The following ENO3 variants were observed in gnomAD, a reference collection of about 807,000 sequenced individuals.
ENO3 encodes enolase 3.
Under a neutral mutation model 47.7 loss-of-function variants are expected in ENO3, and 46 were observed. The ratio of observed to expected loss-of-function variants is 0.96; its 90% confidence interval spans 0.76 to 1.23. The LOEUF (loss-of-function observed/expected upper bound fraction) is 1.23. Ranked by LOEUF, ENO3 falls within the 50% of genes most tolerant of loss-of-function variation. The pLI is 0.00. For synonymous variants in ENO3, 223 were observed against 225.9 expected (o/e 0.99, Z 0.11); for missense variants, 575 against 566.2 (o/e 1.02, Z -0.16).
At chr17:4,949,942 C>T (rs564201500), upstream of ENO3, among the ~76,000 whole-genome samples, 15 of 152,142 alleles carry the variant, frequency 9.9e-5, no homozygotes, top group South Asian at 3.1e-3. Flanking sequence ...CCCACCGCAC[C>T]CCTACCCCAG....
intron 2 of ENO3, 47 bp from the exon 3 acceptor site, chr17:4,952,748 C>T (rs1415101077): frequency 6.4e-7 from 1 of 1,557,854 alleles, no homozygotes; most frequent in Admixed American, 1.9e-5. Context: ...AGGCATGGGC[C>T]ACCGCGCCCA....
Position 4,952,895 on chromosome 17 carries a change from G to C in ENO3, c.181+5G>C. On this transcript the variant is annotated splice_donor_5th_base_variant and intron_variant, in intron 3 of 11. Transcript: ENST00000519602. ...AAGGCCGCTACCTGGGGAAAGGTGA[G>C]GAGACACCAGCGCAGAAGGAGCCTG... 1 of 1,612,078 alleles carries C rather than the reference G, an allele frequency of 6.2e-7. No homozygotes were observed. Among genetic ancestry groups the C allele is most frequent in the Non-Finnish European group, 8.5e-7 (1 of 1,178,930 alleles).
chr17:4,953,656 G>C lies in ENO3; in HGVS notation c.311-56G>C, dbSNP rs529802504. 4.5e-5 allele frequency: 72 copies of C among 1,614,112 alleles called. 1 individual carries two copies. The South Asian group carries it at 7.4e-4, about 16-fold the overall frequency. On this transcript the variant is annotated intron_variant, in intron 5 of 11. Coordinates refer to ENST00000519602, the MANE Select transcript of ENO3 (RefSeq NM_053013.4). ...GGAGCTCTGGCGTCTTCCTGGAGTA[G>C]CCACCCCAAACCCTGCAGAAGCTCT...
upstream of ENO3, chr17:4,949,078 C>G (rs527589018): frequency 9.9e-5 from 15 of 152,138 alleles, no homozygotes; most frequent in African/African-American, 2.9e-4. Flanking sequence ...CCCGTGTGGA[C>G]CCTGCGGGAA....
intron 6 of ENO3, among the ~76,000 whole-genome samples, chr17:4,954,652 C>T (rs897817338): frequency 2.0e-5 from 3 of 152,330 alleles, no homozygotes; most frequent in Admixed American, 1.3e-4. Context: ...CAGTGGCTCA[C>T]GCCTGTAATC....
rs372001257 is a variant in ENO3 at position 4,955,422 on chromosome 17, A to G, written c.683A>G (p.Lys228Arg). 1 of 1,614,036 alleles carries G rather than the reference A, an allele frequency of 6.2e-7. No individual in the cohort carries two copies. ...CCTCCCCCAGCCCTGGAGCTGCTGA[A>G]GACGGCCATCCAGGCGGCTGGTTAC... Reference protein sequence around the residue: ...LENNEALELLKTAIQAAGYPD... With the variant: ...LENNEALELLRTAIQAAGYPD... The change falls in exon 8 of 12, where the codon AAG becomes AGG. Residue 228 changes from lysine (K) to arginine (R), a missense_variant. Transcript: ENST00000519602.
intron 1 of ENO3, among the ~76,000 whole-genome samples, chr17:4,951,532 G>A (rs1971538388): frequency 6.6e-6 from 1 of 152,130 alleles, no homozygotes; most frequent in African/African-American, 2.4e-5. Flanking sequence ...TGACCAGAGG[G>A]GTGGAAGGAG....
intron 6 of ENO3, 40 bp downstream of exon 6, chr17:4,953,885 C>G: frequency 6.2e-7 from 1 of 1,613,756 alleles, no homozygotes; most frequent in South Asian, 1.1e-5. Context: ...CTCGCCTGGA[C>G]AGAGCCAACC....
chr17:4,951,938 G>A (rs745456265), intron 2 of ENO3, 24 bp downstream of exon 2: 3 of 1,613,262 alleles, frequency 1.9e-6, no homozygotes, highest in African/African-American at 1.3e-5. Context: ...CATTGGATAG[G>A]CTCGCCTCCG....
rs766583341 is a variant in ENO3 at position 4,955,465 on chromosome 17, C to T, written c.726C>T (p.Ile242=). 35 of 1,614,092 alleles carry T rather than the reference C, an allele frequency of 2.2e-5. No individual in the cohort carries two copies. The Admixed American group carries it at 2.7e-4, about 12-fold the overall frequency. The change falls in exon 8 of 12, where the codon ATC becomes ATT. Residue 242 remains isoleucine (I), a synonymous_variant. Transcript: ENST00000519602. ...QAAGYPDKVV[I]GMDVAASEFY... The stretch of plus-strand genomic sequence containing the variant: ...CTGGTTACCCAGACAAGGTGGTGAT[C>T]GGCATGGATGTGGCAGCATCTGAGT...
At chr17:4,955,886 GTC>G (rs1291940320) in intron 8 of ENO3, 54 bp from the exon 9 acceptor site, 34 of 1,442,034 alleles carry the variant, frequency 2.4e-5, no homozygotes, top group Non-Finnish European at 3.2e-5. Flanking sequence ...TCTCTGCCCT[GTC>G]TCTGCCCTGT....
chr17:4,950,694 C>T (rs748340016), upstream of ENO3: 1 of 982,736 alleles, frequency 1.0e-6, no homozygotes, highest in Non-Finnish European at 1.2e-6. Context: ...GACAGAGGCC[C>T]GCCCAGCGAT....
chr17:4,954,685 C>T lies in ENO3; in HGVS notation c.445-390C>T, dbSNP rs959676261. Among the ~76,000 whole-genome samples the T allele has an allele frequency of 9.9e-5, 15 of 152,064 alleles. 1 individual carries two copies. The highest frequency in any genetic ancestry group is 2.9e-4 in the African/African-American group (12 of 41,410). ...ATCCCAGCACTTCGGGAGGCCGAGG[C>T]GGGCAGATCACAAGGTCAGGAGTTC... is the stretch of plus-strand genomic sequence containing the variant. On this transcript the variant is annotated intron_variant, in intron 6 of 11. Transcript: ENST00000519602.
At chr17:4,954,844 C>T (rs1311510048) in intron 6 of ENO3, among the ~76,000 whole-genome samples, 1 of 143,246 alleles carries the variant, frequency 7.0e-6, no homozygotes, top group Non-Finnish European at 1.5e-5. Flanking sequence ...ACCCGGGAGG[C>T]GGAGGTTGCG....
In ENO3 at chr17:4,956,578, A is replaced by C. The variant is rs1228522273; in HGVS notation, c.1073A>C (p.Lys358Thr). ...GSVTESIQAC[K>T]LAQSNGWGVM... ...CAAATGTCCTCTCCACTCAGGTGCAAACTGGCTCAGTCTAATGGCTGGGGG... is the reference window on the plus strand; with the variant it reads ...CAAATGTCCTCTCCACTCAGGTGCACACTGGCTCAGTCTAATGGCTGGGGG... The change falls in exon 10 of 12, where the codon AAA (lysine) becomes ACA (threonine). Residue 358 changes from lysine to threonine, a missense_variant. Physicochemically the swap from Lys to Thr is moderately conservative, Grantham distance 78 (BLOSUM62 -1). Transcript: ENST00000519602. 5.0e-6 allele frequency: 8 copies of C among 1,614,032 alleles called. No individual in the cohort carries two copies. The highest frequency in any genetic ancestry group is 5.9e-6 in the Non-Finnish European group (7 of 1,180,026).
intron 6 of ENO3, among the ~76,000 whole-genome samples, chr17:4,954,710 C>T (rs558727627): frequency 1.3e-5 from 2 of 152,132 alleles, no homozygotes; most frequent in South Asian, 2.1e-4. Context: ...GTCAGGAGTT[C>T]GAGACCAGCC....
At position 4,956,662 on chromosome 17, in the gene ENO3, T is replaced by C; in HGVS notation, c.1157T>C (p.Val386Ala). The change falls in exon 10 of 12, where the codon GTG becomes GCG. Residue 386 changes from valine (V) to alanine (A), a missense_variant. Transcript: ENST00000519602. ...TEDTFIADLV[V>A]GLCTGQIKTG... ...GACACATTCATTGCTGACCTTGTGG[T>C]GGGGCTCTGCACAGGACAGGTACTT... 6.2e-7 allele frequency: 1 copy of C among 1,614,126 alleles called. No homozygotes were observed. Among genetic ancestry groups the C allele is most frequent in the Non-Finnish European group, 8.5e-7 (1 of 1,179,978 alleles).
In ENO3 at chr17:4,955,501, T is replaced by C. The variant is rs1597703483; in HGVS notation, c.762T>C (p.Asn254=). ...TGGCAGCATCTGAGTTCTATCGCAA[T>C]GGGAAGTACGATCTTGACTTCAAGT... The part of the protein sequence containing the change: ...MDVAASEFYR[N]GKYDLDFKSP... Residue 254 remains asparagine, a synonymous_variant, in exon 8 of 12, where the codon AAT becomes AAC. Coordinates refer to ENST00000519602, the MANE Select transcript of ENO3 (RefSeq NM_053013.4). 1.2e-6 allele frequency: 2 copies of C among 1,614,222 alleles called. No individual in the cohort carries two copies. The highest frequency in any genetic ancestry group is 1.7e-6 in the Non-Finnish European group (2 of 1,180,048).
chr17:4,952,614 C>T (rs1225719859), intron 2 of ENO3, among the ~76,000 whole-genome samples, 181 bp from the exon 3 acceptor site: 14 of 152,342 alleles, frequency 9.2e-5, no homozygotes, highest in African/African-American at 1.9e-4. Context: ...TGAGCCACCG[C>T]GCCCGGCCTC....
Sources: allele counts gnomAD v4.1 joint callset (sites outside exome capture counted in the v4.1 genomes callset), GRCh38; gene constraint gnomAD v4.1.1; transcripts MANE v1.5; gene names NCBI Gene and HGNC (gene_info 2026-07-23, HGNC 2026-07-21).